Variants in CACNA2D3 observed in about 807,000 individuals in gnomAD.
The protein encoded by CACNA2D3 is voltage-dependent calcium channel subunit alpha-2/delta-3.
In CACNA2D3, 60 loss-of-function variants were observed where a neutral mutation model predicts 160.6. That is an observed-to-expected ratio of 0.37 (90% CI 0.30 to 0.46). The LOEUF (loss-of-function observed/expected upper bound fraction) is 0.46. CACNA2D3 is among the 20% of genes least tolerant of loss of function. CACNA2D3 has a pLI of 1.00. For synonymous variants in CACNA2D3, 558 were observed against 492.9 expected (o/e 1.13, Z -1.75); for missense variants, 1,205 against 1,365.0 (o/e 0.88, Z 1.85).
chr3:54,906,547 A>G (rs774048229), intron 27 of CACNA2D3, among the ~76,000 whole-genome samples: 5 of 152,190 alleles, frequency 3.3e-5, no homozygotes, highest in African/African-American at 1.2e-4. Context: ...GTAACCTGCA[A>G]TGAGATTCCT....
At position 54,689,010 on chromosome 3, in the gene CACNA2D3, A is replaced by AGTG. The variant is rs368785187; in HGVS notation, c.1167+46769_1167+46770insGTG. On this transcript the variant is annotated intron_variant, in intron 11 of 37. Coordinates refer to ENST00000474759, the MANE Select transcript of CACNA2D3 (RefSeq NM_018398.3). The stretch of plus-strand genomic sequence containing the variant: ...AAAAAAAAAAAAAAAAAAAAAAAAA[A>AGTG]AGAATGAGGTTGTATACATAAAGCA... 3.5e-5 allele frequency among the ~76,000 whole-genome samples: 3 copies of AGTG among 85,492 alleles called. 1 individual carries two copies. The highest frequency in any genetic ancestry group is 4.4e-5 in the Non-Finnish European group (2 of 45,150). The allele number at this position is 85,492 out of a possible 152,430, so 56.1% of individuals were successfully genotyped here.
chr3:54,184,153 G>A (rs969952816), intron 2 of CACNA2D3, among the ~76,000 whole-genome samples: 1 of 152,154 alleles, frequency 6.6e-6, no homozygotes, highest in African/African-American at 2.4e-5. Flanking sequence ...CTCTTACAGA[G>A]TTGGGAAAAC....
chr3:54,912,485 C>A (rs1404422760), intron 27 of CACNA2D3, among the ~76,000 whole-genome samples: 4 of 152,116 alleles, frequency 2.6e-5, no homozygotes, highest in African/African-American at 9.7e-5. Context: ...CCTCCTTGTT[C>A]TTCAGTCACA....
chr3:54,304,957 T>G (rs1575383551), intron 2 of CACNA2D3, among the ~76,000 whole-genome samples: 2 of 152,294 alleles, frequency 1.3e-5, no homozygotes, highest in Middle Eastern at 3.4e-3. Flanking sequence ...ACAACACACT[T>G]GTATAATTTG....
chr3:54,429,956 T>C (rs775520515), intron 4 of CACNA2D3, among the ~76,000 whole-genome samples: 3 of 152,184 alleles, frequency 2.0e-5, no homozygotes, highest in Non-Finnish European at 1.5e-5. Flanking sequence ...TCCCTGATGA[T>C]AATCTGACAA....
Position 54,350,987 on chromosome 3 carries a change from T to A in CACNA2D3, c.321+30429T>A, listed in dbSNP as rs950152323. Among the ~76,000 whole-genome samples, 3 of 28,784 alleles carry A rather than the reference T, an allele frequency of 1.0e-4. No individual in the cohort carries two copies. The South Asian group carries it at 3.6e-3, about 34-fold the overall frequency. The allele number at this position is 28,784 out of a possible 152,430, so 18.9% of individuals were successfully genotyped here. On this transcript the variant is annotated intron_variant, in intron 3 of 37. Coordinates refer to ENST00000474759, the MANE Select transcript of CACNA2D3 (RefSeq NM_018398.3). ...GAGTCTGTTTTTTTTTTTTTGTTTG[T>A]TTTTTTTTTTTTTTTTTTTGAGACA...
chr3:54,719,550 C>G (rs896670989), intron 11 of CACNA2D3, among the ~76,000 whole-genome samples: 3 of 151,924 alleles, frequency 2.0e-5, no homozygotes, highest in Admixed American at 6.6e-5. Context: ...CTGCGTTTGA[C>G]TTTGTGCAAT....
chr3:54,183,672 G>T (rs1045123698), intron 2 of CACNA2D3, among the ~76,000 whole-genome samples: 2 of 151,686 alleles, frequency 1.3e-5, no homozygotes, highest in Non-Finnish European at 1.5e-5. Context: ...ATCACCTGAG[G>T]TCAGTAGTTC....
At chr3:54,784,775 G>A (rs962995907) in intron 13 of CACNA2D3, among the ~76,000 whole-genome samples, 1 of 152,114 alleles carries the variant, frequency 6.6e-6, no homozygotes, top group Non-Finnish European at 1.5e-5. Context: ...AGCAGGCAGG[G>A]GACCTGACCC....
intron 27 of CACNA2D3, among the ~76,000 whole-genome samples, chr3:54,920,776 C>T (rs1437638071): frequency 1.3e-5 from 2 of 152,138 alleles, no homozygotes; most frequent in African/African-American, 4.8e-5. Context: ...GACCACCTGC[C>T]AGGGGGATGG....
chr3:54,327,139 T>A (rs1384281867), intron 3 of CACNA2D3, among the ~76,000 whole-genome samples: 2 of 152,194 alleles, frequency 1.3e-5, no homozygotes, highest in East Asian at 3.9e-4. Flanking sequence ...CTCGTGGGTT[T>A]CACCCCAAAT....
At chr3:54,890,785 C>T (rs556206142) in intron 24 of CACNA2D3, among the ~76,000 whole-genome samples, 3 of 152,270 alleles carry the variant, frequency 2.0e-5, no homozygotes, top group Admixed American at 2.0e-4. Context: ...GAGAATAAGG[C>T]CTGTGGTCTG....
intron 4 of CACNA2D3, among the ~76,000 whole-genome samples, chr3:54,481,135 A>G (rs1481576672): frequency 6.6e-6 from 1 of 152,172 alleles, no homozygotes; most frequent in Non-Finnish European, 1.5e-5. Context: ...AGGAAGGGGA[A>G]TGTAGAGGTC....
In CACNA2D3 at chr3:54,203,835, G is replaced by A. The variant is rs113256362; in HGVS notation, c.204+80241G>A. 6.6e-4 allele frequency among the ~76,000 whole-genome samples: 100 copies of A among 152,064 alleles called. 2 individuals are homozygous for A. The highest frequency in any genetic ancestry group is 2.3e-3 in the African/African-American group (94 of 41,482). Reference sequence around the variant, plus strand: ...TGCCTCTTGACGTCTGGCTGCCTGCGTGTCTGCTTGCTAGGGTCTCAGATT... The same window carrying A: ...TGCCTCTTGACGTCTGGCTGCCTGCATGTCTGCTTGCTAGGGTCTCAGATT... On this transcript the variant is annotated intron_variant, in intron 2 of 37. Coordinates refer to ENST00000474759, the MANE Select transcript of CACNA2D3 (RefSeq NM_018398.3).
chr3:55,044,720 T>C (rs1451273574), intron 35 of CACNA2D3, among the ~76,000 whole-genome samples: 2 of 152,202 alleles, frequency 1.3e-5, no homozygotes, highest in Non-Finnish European at 2.9e-5. Context: ...TGTTAGAATT[T>C]TATCATTAAG....
At chr3:54,862,430 G>C (rs1699312979) in intron 17 of CACNA2D3, among the ~76,000 whole-genome samples, 2 of 151,942 alleles carry the variant, frequency 1.3e-5, no homozygotes, top group African/African-American at 4.8e-5. Flanking sequence ...CGTGATGAAG[G>C]CTCAGCATTC....
At chr3:54,473,941 C>T (rs758175637) in intron 4 of CACNA2D3, among the ~76,000 whole-genome samples, 14 of 152,176 alleles carry the variant, frequency 9.2e-5, no homozygotes, top group Non-Finnish European at 1.8e-4. Context: ...TGCTTTTACA[C>T]TATTGGTAGG....
intron 11 of CACNA2D3, among the ~76,000 whole-genome samples, chr3:54,738,050 G>C (rs1006532460): frequency 2.0e-5 from 3 of 152,168 alleles, no homozygotes; most frequent in Admixed American, 2.0e-4. Flanking sequence ...AGTTCCACCT[G>C]GTTCTTCAAG....
At chr3:54,958,873 G>T (rs1044097418) in intron 27 of CACNA2D3, among the ~76,000 whole-genome samples, 4 of 152,158 alleles carry the variant, frequency 2.6e-5, no homozygotes, top group African/African-American at 9.7e-5. Context: ...GGAGGCCAAG[G>T]CAGGAGGATT....
Sources: allele counts gnomAD v4.1 joint callset (sites outside exome capture counted in the v4.1 genomes callset), GRCh38; gene constraint gnomAD v4.1.1; transcripts MANE v1.5; gene names NCBI Gene and HGNC (gene_info 2026-07-23, HGNC 2026-07-21).